The following MDFIC variants were observed in gnomAD, a reference collection of about 807,000 sequenced individuals.
MDFIC encodes the protein myoD family inhibitor domain-containing protein.
In MDFIC, 17 loss-of-function variants were observed where a neutral mutation model predicts 23.2. The ratio of observed to expected loss-of-function variants is 0.73; its 90% CI spans 0.50 to 1.10. The LOEUF is 1.10. Ranked by LOEUF, MDFIC falls within the 50% of genes least tolerant of loss-of-function variation. The pLI, the probability that MDFIC is intolerant of heterozygous loss-of-function variation, is 0.00. For synonymous variants in MDFIC, 120 were observed against 115.2 expected (o/e 1.04, Z -0.27); for missense variants, 356 against 316.6 (o/e 1.12, Z -0.95).
At chr7:115,000,149 A>T (rs1791432599) in intron 4 of MDFIC, among the ~76,000 whole-genome samples, 1 of 152,210 alleles carries the variant, frequency 6.6e-6, no homozygotes, top group Admixed American at 6.5e-5. Flanking sequence ...TAAAATAAGA[A>T]CACTGTATTT....
chr7:114,927,718 G>A (rs1792221503), intron 2 of MDFIC, among the ~76,000 whole-genome samples: 1 of 152,102 alleles, frequency 6.6e-6, no homozygotes, highest in Non-Finnish European at 1.5e-5. Flanking sequence ...TTTCACATGA[G>A]TTGTGTTCCA....
chr7:114,923,424 C>G, intron 2 of MDFIC: 1 of 1,529,422 alleles, frequency 6.5e-7, no homozygotes, highest in Non-Finnish European at 8.8e-7. Context: ...GGGCCTAAGA[C>G]TCAATGTGTA....
At chr7:114,925,610 C>G (rs1044481923) in intron 2 of MDFIC, among the ~76,000 whole-genome samples, 1 of 152,120 alleles carries the variant, frequency 6.6e-6, no homozygotes, top group Non-Finnish European at 1.5e-5. Flanking sequence ...TAAGAGGGAA[C>G]CAGGATAGAT....
chr7:114,937,246 G>A (rs1280264670), intron 2 of MDFIC, among the ~76,000 whole-genome samples: 1 of 152,166 alleles, frequency 6.6e-6, no homozygotes, highest in Non-Finnish European at 1.5e-5. Flanking sequence ...TTAGAAACAG[G>A]AAAATAAAGG....
At chr7:115,012,372 A>T (rs1427667380) in intron 4 of MDFIC, among the ~76,000 whole-genome samples, 1 of 152,198 alleles carries the variant, frequency 6.6e-6, no homozygotes, top group Non-Finnish European at 1.5e-5. Flanking sequence ...AAATAAAACC[A>T]CCATGAGACG....
chr7:114,924,955 C>G (rs531842600), intron 2 of MDFIC, among the ~76,000 whole-genome samples: 1 of 152,216 alleles, frequency 6.6e-6, no homozygotes, highest in South Asian at 2.1e-4. Flanking sequence ...TACTCTTAAG[C>G]CTTTTCTCAA....
At chr7:114,935,025 G>A (rs1437206455) in intron 2 of MDFIC, among the ~76,000 whole-genome samples, 1 of 152,062 alleles carries the variant, frequency 6.6e-6, no homozygotes, top group African/African-American at 2.4e-5. Flanking sequence ...TTACAGTTGG[G>A]AAACATTAGC....
chr7:115,005,990 C>T lies in MDFIC; in HGVS notation c.494-9698C>T, dbSNP rs142799543. 2.7e-3 allele frequency among the ~76,000 whole-genome samples: 411 copies of T among 152,292 alleles called. 1 individual carries two copies. Among genetic ancestry groups the T allele is most frequent in the African/African-American group, 9.5e-3 (394 of 41,546 alleles). ...CTGTAACATTTCACTCTGCTTGCTT[C>T]GCTTCATCTTGCCTGGCCTGTTAGA... On this transcript the variant is annotated intron_variant, in intron 4 of 4. Coordinates refer to ENST00000393486, the MANE Select transcript of MDFIC (RefSeq NM_001166345.3).
intron 3 of MDFIC, among the ~76,000 whole-genome samples, chr7:114,972,864 G>A (rs1035052708): frequency 6.6e-6 from 1 of 151,868 alleles, no homozygotes; most frequent in Admixed American, 6.6e-5. Context: ...GTGATCCTCC[G>A]ACCTCAGCCT....
At chr7:115,005,558 A>G (rs1562828583) in intron 4 of MDFIC, among the ~76,000 whole-genome samples, 1 of 152,202 alleles carries the variant, frequency 6.6e-6, no homozygotes, top group African/African-American at 2.4e-5. Flanking sequence ...GAAGCACCTC[A>G]GGAAGACGGT....
chr7:114,923,695 A>G (rs1234340872), intron 2 of MDFIC: 1 of 1,382,734 alleles, frequency 7.2e-7, no homozygotes, highest in Non-Finnish European at 9.4e-7. Context: ...GTGTTCTTCC[A>G]AAGTGTAAAC....
chr7:114,925,465 A>C (rs1028941561), intron 2 of MDFIC, among the ~76,000 whole-genome samples: 2 of 152,196 alleles, frequency 1.3e-5, no homozygotes, highest in Admixed American at 6.5e-5. Flanking sequence ...CTTCCTCCTT[A>C]AAGTTTCTAC....
intron 2 of MDFIC, among the ~76,000 whole-genome samples, chr7:114,931,370 G>A (rs1792305664): frequency 6.6e-6 from 1 of 152,130 alleles, no homozygotes. Context: ...TCATATACAT[G>A]TGCTTTTATG....
Position 114,979,932 on chromosome 7 carries a change from G to A in MDFIC, c.493+151G>A, listed in dbSNP as rs764456017. 27 of 927,666 alleles carry A rather than the reference G, an allele frequency of 2.9e-5. No homozygotes were observed. The African/African-American group carries it at 4.4e-4, about 15-fold the overall frequency. The allele number at this position is 927,666 out of a possible 1,614,324, so 57.5% of individuals were successfully genotyped here. ...AAAATGCAGATTAACTTTCCCAAAG[G>A]AAAGCACAAGATAGAAAAGGAAGCA... On this transcript the variant is annotated intron_variant, in intron 4 of 4. Coordinates refer to ENST00000393486, the MANE Select transcript of MDFIC (RefSeq NM_001166345.3).
chr7:114,946,661 T>C (rs1792650766), intron 3 of MDFIC, among the ~76,000 whole-genome samples: 1 of 152,222 alleles, frequency 6.6e-6, no homozygotes, highest in South Asian at 2.1e-4. Flanking sequence ...ATTTATTCAT[T>C]TTGAAGAGTT....
intron 4 of MDFIC, among the ~76,000 whole-genome samples, chr7:114,991,127 G>T (rs577265942): frequency 6.6e-6 from 1 of 152,104 alleles, no homozygotes; most frequent in Non-Finnish European, 1.5e-5. Context: ...TCATGTGTCT[G>T]TTGGCTGCAT....
At position 115,017,858 on chromosome 7, in the gene MDFIC, T is replaced by C. The variant is rs778091146; in HGVS notation, c.*1923T>C. ...ATTGATAGTAACAACAGAAGCATAA[T>C]TTTAGGAAGGCTTTCGCAAACCTAG... On this transcript the variant is annotated 3_prime_UTR_variant, in exon 5 of 5. Coordinates refer to ENST00000393486, the MANE Select transcript of MDFIC (RefSeq NM_001166345.3). 13 of 152,040 alleles carry C rather than the reference T, an allele frequency of 8.6e-5. No homozygotes were observed. The highest frequency in any genetic ancestry group is 1.6e-4 in the Non-Finnish European group (11 of 67,894). The allele number at this position is 152,040 out of a possible 1,614,324, so 9.4% of individuals were successfully genotyped here.
rs1791819206 is a variant in MDFIC at position 115,017,587 on chromosome 7, G to A, written c.*1652G>A. On this transcript the variant is annotated 3_prime_UTR_variant, in exon 5 of 5. Transcript: ENST00000393486. ...TTTTATGTTAAATTAAACTAATATG[G>A]CAGGTTATAATGATCCTTAAGTGTA... 6.6e-6 allele frequency: 1 copy of A among 152,064 alleles called. No homozygotes were observed. The highest frequency in any genetic ancestry group is 1.5e-5 in the Non-Finnish European group (1 of 67,844). 9.4% of individuals were successfully genotyped at this position (152,064 alleles called of 1,614,324 possible).
chr7:114,999,949 C>T (rs1000076731), intron 4 of MDFIC, among the ~76,000 whole-genome samples: 7 of 152,124 alleles, frequency 4.6e-5, no homozygotes, highest in African/African-American at 1.7e-4. Flanking sequence ...TTGCAGAAAT[C>T]ATAAAGTATT....
Sources: gnomAD v4.1 joint callset for allele counts (sites outside exome capture counted in the v4.1 genomes callset) on GRCh38, gnomAD v4.1.1 for gene constraint, MANE v1.5 for transcripts, NCBI Gene and HGNC (gene_info 2026-07-23, HGNC 2026-07-21) for gene names.